PTPN1: variants seen among roughly 807,000 people sequenced by gnomAD.
The protein encoded by PTPN1 is tyrosine-protein phosphatase non-receptor type 1.
PTPN1 carries 12 observed loss-of-function variants against 59.9 expected under a neutral mutation model. The observed-to-expected ratio is 0.20, with a 90% CI of 0.13 to 0.32. PTPN1 has a LOEUF of 0.32. Ranked by LOEUF, PTPN1 falls within the 10% of genes least tolerant of loss-of-function variation. The pLI is 1.00. For missense variants in PTPN1, 356 were observed against 549.2 expected, an observed-to-expected ratio of 0.65 and a Z score of 3.52; for synonymous variants, 178 against 203.6, an observed-to-expected ratio of 0.87 and a Z score of 1.07.
At chr20:50,559,283 C>G (rs978719438) in intron 1 of PTPN1, among the ~76,000 whole-genome samples, 1 of 152,226 alleles carries the variant, frequency 6.6e-6, no homozygotes, top group African/African-American at 2.4e-5. Context: ...CCACCCACCT[C>G]GGAATGTTTT....
chr20:50,562,272 A>G (rs1314244937), intron 2 of PTPN1, among the ~76,000 whole-genome samples: 1 of 152,160 alleles, frequency 6.6e-6, no homozygotes, highest in Non-Finnish European at 1.5e-5. Flanking sequence ...TCCAGTGGGC[A>G]CTTCCTGCAG....
At chr20:50,556,909 C>T (rs1399861629) in intron 1 of PTPN1, among the ~76,000 whole-genome samples, 2 of 152,228 alleles carry the variant, frequency 1.3e-5, no homozygotes, top group Non-Finnish European at 2.9e-5. Context: ...CGCATTATTT[C>T]AGAACAATTT....
In PTPN1 at chr20:50,583,443, C is replaced by T. The variant is rs1266400154; in HGVS notation, c.*728C>T. 1 of 152,262 alleles carries T rather than the reference C, an allele frequency of 6.6e-6. No homozygotes were observed. Among genetic ancestry groups the T allele is most frequent in the Non-Finnish European group, 1.5e-5 (1 of 68,056 alleles). 9.4% of individuals were successfully genotyped at this position (152,262 alleles called of 1,614,324 possible). A position where few individuals can be genotyped will look rare whatever the true frequency, so the allele number is the denominator to read the frequency against. On this transcript the variant is annotated 3_prime_UTR_variant, in exon 10 of 10. Coordinates refer to ENST00000371621, the MANE Select transcript of PTPN1 (RefSeq NM_002827.4). ...AGATTACTTTGTCCCGCTTATTCTC[C>T]TCCCTGTTATCTGCTAGATCTAGTT...
chr20:50,521,673 C>A (rs1468555868), intron 1 of PTPN1, among the ~76,000 whole-genome samples: 1 of 152,194 alleles, frequency 6.6e-6, no homozygotes, highest in Non-Finnish European at 1.5e-5. Flanking sequence ...AATTGGCCAC[C>A]CACAGTCATA....
chr20:50,547,402 C>T (rs2082680293), intron 1 of PTPN1, among the ~76,000 whole-genome samples: 1 of 151,644 alleles, frequency 6.6e-6, no homozygotes, highest in Non-Finnish European at 1.5e-5. Flanking sequence ...CTCGCTCTGT[C>T]ACCCAGGCTA....
At chr20:50,551,892 T>C (rs2082703530) in intron 1 of PTPN1, among the ~76,000 whole-genome samples, 1 of 152,228 alleles carries the variant, frequency 6.6e-6, no homozygotes, top group South Asian at 2.1e-4. Flanking sequence ...CCAGCAGTCA[T>C]CTTAATCGGT....
chr20:50,534,829 G>C (rs1294395061), intron 1 of PTPN1, among the ~76,000 whole-genome samples: 1 of 152,058 alleles, frequency 6.6e-6, no homozygotes, highest in Non-Finnish European at 1.5e-5. Context: ...GGGCTCAAAT[G>C]ATCCTCCCAC....
At chr20:50,545,341 C>T (rs2082670468) in intron 1 of PTPN1, among the ~76,000 whole-genome samples, 2 of 152,124 alleles carry the variant, frequency 1.3e-5, no homozygotes, top group African/African-American at 4.8e-5. Flanking sequence ...AAACCACAGG[C>T]TGTAGGCTAA....
chr20:50,563,177 C>G (rs1359279689), intron 2 of PTPN1: 1 of 151,806 alleles, frequency 6.6e-6, no homozygotes, highest in East Asian at 1.9e-4. Flanking sequence ...TCTCACTCCT[C>G]TTATCTTCCT....
At chr20:50,559,760 A>G (rs2082743260) in intron 1 of PTPN1, among the ~76,000 whole-genome samples, 1 of 151,168 alleles carries the variant, frequency 6.6e-6, no homozygotes, top group South Asian at 2.1e-4. Flanking sequence ...GTTTTATATA[A>G]CATTCTGTTC....
intron 2 of PTPN1, among the ~76,000 whole-genome samples, chr20:50,562,606 G>T (rs563686984): frequency 6.6e-6 from 1 of 152,382 alleles, no homozygotes; most frequent in African/African-American, 2.4e-5. Context: ...AATGTTGTCT[G>T]TGGTGGGGAT....
chr20:50,515,299 A>G (rs2082524248), intron 1 of PTPN1, among the ~76,000 whole-genome samples: 1 of 152,124 alleles, frequency 6.6e-6, no homozygotes, highest in Admixed American at 6.5e-5. Flanking sequence ...CACTTTGTTG[A>G]GGATGCCTCT....
rs529728668 is a variant in PTPN1, at chr20:50,583,131, C to T, written c.*416C>T. On this transcript the variant is annotated 3_prime_UTR_variant, in exon 10 of 10. Coordinates refer to ENST00000371621, the MANE Select transcript of PTPN1 (RefSeq NM_002827.4). ...TCCATATTTATTTAAACAATTTTTT[C>T]CCCAAAGGCATCCATAGTGCACTAG... The T allele has an allele frequency of 5.2e-6, 1 of 191,358 alleles. No individual in the cohort carries two copies. The highest frequency in any genetic ancestry group is 1.7e-4 in the South Asian group (1 of 6,048). The allele number at this position is 191,358 out of a possible 1,614,324, so 11.9% of individuals were successfully genotyped here. A position where few individuals can be genotyped will look rare whatever the true frequency, so the allele number is the denominator to read the frequency against.
At chr20:50,537,117 G>A (rs1229907776) in intron 1 of PTPN1, among the ~76,000 whole-genome samples, 1 of 152,198 alleles carries the variant, frequency 6.6e-6, no homozygotes, top group Admixed American at 6.5e-5. Flanking sequence ...GAGGTCAGGA[G>A]TTTGAGACCA....
At chr20:50,551,695 T>C (rs1482096034) in intron 1 of PTPN1, among the ~76,000 whole-genome samples, 1 of 152,226 alleles carries the variant, frequency 6.6e-6, no homozygotes, top group African/African-American at 2.4e-5. Flanking sequence ...GTAAAGAACC[T>C]GTTTGTTACC....
intron 7 of PTPN1, 84 bp from the exon 8 acceptor site, chr20:50,579,619 G>A (rs570854685): frequency 3.2e-6 from 4 of 1,253,762 alleles, no homozygotes; most frequent in Admixed American, 3.7e-5. Flanking sequence ...TCGCCAAGCC[G>A]TCACCTCTGC....
At chr20:50,554,681 G>A (rs1323643864) in intron 1 of PTPN1, among the ~76,000 whole-genome samples, 1 of 151,972 alleles carries the variant, frequency 6.6e-6, no homozygotes, top group Non-Finnish European at 1.5e-5. Context: ...ATAGCATAAA[G>A]GATAAGTGGA....
chr20:50,531,634 C>A (rs928814844), intron 1 of PTPN1, among the ~76,000 whole-genome samples: 2 of 152,192 alleles, frequency 1.3e-5, no homozygotes, highest in Non-Finnish European at 2.9e-5. Context: ...GCCTCAGCCT[C>A]CCAAAGTGCT....
rs112939150 is a variant in PTPN1, at chr20:50,516,625, G to A, written c.63+6035G>A. 4.1e-3 allele frequency among the ~76,000 whole-genome samples: 624 copies of A among 152,274 alleles called. 3 individuals are homozygous for A. Among genetic ancestry groups the A allele is most frequent in the African/African-American group, 0.014 (584 of 41,558 alleles). On this transcript the variant is annotated intron_variant, in intron 1 of 9. Coordinates refer to ENST00000371621, the MANE Select transcript of PTPN1 (RefSeq NM_002827.4). The stretch of plus-strand genomic sequence containing the variant: ...ATAGTTAACAACTCAAAAGAATGGG[G>A]TGTTTTTTCCCGAGGGGCATGAAAT...
Sources: allele counts gnomAD v4.1 joint callset (sites outside exome capture counted in the v4.1 genomes callset), GRCh38; gene constraint gnomAD v4.1.1; transcripts MANE v1.5; gene names NCBI Gene and HGNC (gene_info 2026-07-23, HGNC 2026-07-21).